The following CCDC88A variants were observed in gnomAD, a reference collection of about 807,000 sequenced individuals.
CCDC88A encodes coiled-coil and HOOK domain protein 88A.
A neutral mutation model predicts 234.3 loss-of-function variants in CCDC88A; 54 were observed. The observed-to-expected ratio is 0.23, with a 90% confidence interval of 0.19 to 0.29. The LOEUF is 0.29. Ranked by LOEUF, CCDC88A falls within the 10% of genes least tolerant of loss-of-function variation. The pLI is 1.00. For missense variants in CCDC88A, 1,832 were observed against 2,123.4 expected (o/e 0.86, Z 2.70); for synonymous variants, 753 against 737.8 (o/e 1.02, Z -0.33).
At position 55,317,169 on chromosome 2, in the gene CCDC88A, TATAAA is replaced by T; in HGVS notation, c.3746+32_3746+36del. On this transcript the variant is annotated intron_variant, in intron 21 of 32. Transcript: ENST00000436346. The surrounding 1 kb of genome is among the most constrained non-coding windows in gnomAD (Gnocchi z 4.2). ...CACATATATATGTATATACTTTCTA[TATAAA>T]ATGTTTGTTATATATAATATATATT... The T allele has an allele frequency of 1.1e-6, 1 of 921,978 alleles. No homozygotes were observed. Among genetic ancestry groups the T allele is most frequent in the South Asian group, 3.3e-5 (1 of 30,634 alleles). The allele number at this position is 921,978 out of a possible 1,614,324, so 57.1% of individuals were successfully genotyped here.
At chr2:55,411,982 A>C (rs1235680312) in intron 2 of CCDC88A, among the ~76,000 whole-genome samples, 1 of 152,218 alleles carries the variant, frequency 6.6e-6, no homozygotes, top group Non-Finnish European at 1.5e-5. Flanking sequence ...GGAAAGAGAG[A>C]GAACAAACAA....
At chr2:55,313,978 T>C (rs1426164594) in intron 22 of CCDC88A, 1 of 152,248 alleles carries the variant, frequency 6.6e-6, no homozygotes, top group African/African-American at 2.4e-5. Flanking sequence ...TTCTCACTTT[T>C]CCCGTAAAGA....
Position 55,296,376 on chromosome 2 carries a change from T to C in CCDC88A, c.4973A>G (p.His1658Arg). 1 of 1,614,244 alleles carries C rather than the reference T, an allele frequency of 6.2e-7. No homozygotes were observed. Among genetic ancestry groups the C allele is most frequent in the Non-Finnish European group, 8.5e-7 (1 of 1,180,040 alleles). Residue 1658 changes from histidine (H) to arginine (R), a missense_variant, in exon 30 of 33, where the codon CAC becomes CGC. Transcript: ENST00000436346. ...RQTRSSPVLQ[H>R]KISETLESRH... ...ACTCTCCAGTGTTTCAGATATTTTGTGCTGGAGCACTGGGCTTGATCTGGT... is the reference window on the plus strand; with the variant it reads ...ACTCTCCAGTGTTTCAGATATTTTGCGCTGGAGCACTGGGCTTGATCTGGT...
intron 7 of CCDC88A, among the ~76,000 whole-genome samples, chr2:55,359,751 G>A (rs1412302382): frequency 9.3e-5 from 14 of 151,082 alleles, no homozygotes. Flanking sequence ...GTTCTTTTTT[G>A]AAATAGTTTG....
chr2:55,354,859 G>C (rs1329920608), intron 8 of CCDC88A, among the ~76,000 whole-genome samples: 1 of 151,714 alleles, frequency 6.6e-6, no homozygotes, highest in African/African-American at 2.4e-5. Context: ...GAACCACCGC[G>C]CCTGGCCTAT....
intron 6 of CCDC88A, 32 bp downstream of exon 6, chr2:55,363,918 A>C (rs1452739826): frequency 7.5e-6 from 9 of 1,201,226 alleles, no homozygotes; most frequent in Non-Finnish European, 7.3e-6. Flanking sequence ...AAGCTTCATA[A>C]ATAGCACGTA....
chr2:55,330,106 C>T (rs1035664608), intron 16 of CCDC88A: 4 of 152,050 alleles, frequency 2.6e-5, no homozygotes, highest in East Asian at 1.9e-4. Context: ...CTTATACATT[C>T]GATTCCAAAA....
rs1171692183 is a variant in CCDC88A, at chr2:55,289,181, A to C, written c.*2019T>G. The stretch of plus-strand genomic sequence containing the variant: ...AGGATATTAGTGTTCTGGAGAGGTC[A>C]AGCTGTAATGTCATTCGCCCTCATT... On this transcript the variant is annotated 3_prime_UTR_variant, in exon 33 of 33. Coordinates refer to ENST00000436346, the MANE Select transcript of CCDC88A (RefSeq NM_001365480.1). The C allele has an allele frequency of 2.0e-5, 3 of 152,576 alleles. No individual in the cohort carries two copies. In the East Asian group the frequency reaches 5.8e-4, roughly 29 times the overall value. 9.5% of individuals were successfully genotyped at this position (152,576 alleles called of 1,614,324 possible).
chr2:55,338,784 T>C (rs1030796222), intron 13 of CCDC88A, among the ~76,000 whole-genome samples: 1 of 152,022 alleles, frequency 6.6e-6, no homozygotes, highest in African/African-American at 2.4e-5. Flanking sequence ...CTAGCCCGAG[T>C]TGAGACAGTA....
At chr2:55,370,931 G>A (rs1672756677) in intron 5 of CCDC88A, among the ~76,000 whole-genome samples, 1 of 151,694 alleles carries the variant, frequency 6.6e-6, no homozygotes, top group Admixed American at 6.6e-5. Flanking sequence ...AAGATCATTT[G>A]AACCCTGGAG....
At chr2:55,352,664 T>C (rs1360606696) in intron 8 of CCDC88A, among the ~76,000 whole-genome samples, 2 of 151,968 alleles carry the variant, frequency 1.3e-5, no homozygotes, top group Non-Finnish European at 2.9e-5. Context: ...TTAAAGGGAG[T>C]CTTTGGTAGT....
chr2:55,300,045 C>A, intron 28 of CCDC88A, 126 bp from the exon 29 acceptor site: 1 of 672,950 alleles, frequency 1.5e-6, no homozygotes, highest in Non-Finnish European at 2.6e-6. Context: ...ATGAGCATGC[C>A]CAGATTAGAA....
chr2:55,344,403 A>T lies in CCDC88A; in HGVS notation c.1153T>A (p.Leu385Ile). The change falls in exon 11 of 33, where the codon TTA becomes ATA. Residue 385 changes from leucine to isoleucine, a missense_variant. Around this residue, in one of 6 missense-constraint regions of CCDC88A, gnomAD observed 1,282 missense variants for 1,543.6 expected, o/e 0.83. Transcript: ENST00000436346. ...DKLHELEKENLQLKAKLHDME... is the reference protein window; with the variant it reads ...DKLHELEKENIQLKAKLHDME... ...TCATGAAGTTTAGCTTTCAGTTGTA[A>T]GTTCTCTTTTTCTAATTCATGTAAT... The T allele has an allele frequency of 6.3e-7, 1 of 1,594,060 alleles. No homozygotes were observed. The highest frequency in any genetic ancestry group is 8.6e-7 in the Non-Finnish European group (1 of 1,168,796).
At chr2:55,342,893 G>C (rs1668681630) in intron 12 of CCDC88A, among the ~76,000 whole-genome samples, 1 of 152,100 alleles carries the variant, frequency 6.6e-6, no homozygotes. Context: ...AATGCAAGTA[G>C]AACAATCTAA....
At chr2:55,344,160 A>G in intron 11 of CCDC88A, 1 of 392,908 alleles carries the variant, frequency 2.5e-6, no homozygotes. Context: ...TGAAGACAAC[A>G]TTAGTAAGTA....
intron 31 of CCDC88A, chr2:55,294,536 C>A: frequency 1.0e-6 from 1 of 977,892 alleles, no homozygotes; most frequent in African/African-American, 1.8e-5. Flanking sequence ...AATTAAATGA[C>A]AAAAGAAAAC....
At chr2:55,352,186 A>C (rs913032853) in intron 8 of CCDC88A, among the ~76,000 whole-genome samples, 1 of 152,120 alleles carries the variant, frequency 6.6e-6, no homozygotes, top group African/African-American at 2.4e-5. Context: ...TAATCCCAGC[A>C]CTTTGGGAGG....
At chr2:55,347,512 C>T (rs1037563538) in intron 9 of CCDC88A, among the ~76,000 whole-genome samples, 10 of 149,406 alleles carry the variant, frequency 6.7e-5, no homozygotes, top group Admixed American at 5.4e-4. Flanking sequence ...AAGAGATCTG[C>T]AAAAATGTAA....
intron 4 of CCDC88A, 31 bp downstream of exon 4, chr2:55,374,783 A>G: frequency 2.2e-6 from 3 of 1,380,606 alleles, no homozygotes; most frequent in African/African-American, 1.4e-5. Context: ...AAGGTTAGAC[A>G]TTACTTTCAC....
Sources: gnomAD v4.1 joint callset for allele counts (sites outside exome capture counted in the v4.1 genomes callset) on GRCh38, gnomAD v4.1.1 for gene constraint, gnomAD v4.1.1 regional missense constraint, Gnocchi (gnomAD v3.1) non-coding constraint, MANE v1.5 for transcripts, NCBI Gene and HGNC (gene_info 2026-07-23, HGNC 2026-07-21) for gene names.